The following ZNF713 variants were observed in gnomAD, a reference collection of about 807,000 sequenced individuals.
The protein encoded by ZNF713 is zinc finger protein 713.
ZNF713 carries 21 observed loss-of-function variants against 28.7 expected under a neutral mutation model. The ratio of observed to expected loss-of-function variants is 0.73; its 90% CI spans 0.52 to 1.05. The LOEUF is 1.05. Among genes scored for constraint, ZNF713 ranks in the 50% least tolerant of loss-of-function variants. ZNF713 has a pLI of 0.00. For synonymous variants in ZNF713, 167 were observed against 178.0 expected, an observed-to-expected ratio of 0.94 and a Z score of 0.49; for missense variants, 458 against 532.4, an observed-to-expected ratio of 0.86 and a Z score of 1.37.
chr7:55,931,436 A>C (rs1786207151), intron 6 of ZNF713, among the ~76,000 whole-genome samples: 1 of 152,138 alleles, frequency 6.6e-6, no homozygotes, highest in Non-Finnish European at 1.5e-5. Context: ...ACCCACTATA[A>C]ATTGACGCAT....
At chr7:55,889,766 A>G (rs1184275957) in intron 1 of ZNF713, among the ~76,000 whole-genome samples, 1 of 152,200 alleles carries the variant, frequency 6.6e-6, no homozygotes, top group Non-Finnish European at 1.5e-5. Flanking sequence ...GACTATATAA[A>G]TCTTATGAGT....
intron 2 of ZNF713, among the ~76,000 whole-genome samples, chr7:55,909,949 A>ATG (rs1408365141): frequency 1.3e-5 from 2 of 151,470 alleles, no homozygotes; most frequent in South Asian, 2.1e-4. Context: ...GTGTATATAT[A>ATG]TGTGTGTGTA....
intron 4 of ZNF713, among the ~76,000 whole-genome samples, chr7:55,914,971 C>G (rs1345601872): frequency 1.3e-5 from 2 of 152,196 alleles, no homozygotes; most frequent in African/African-American, 4.8e-5. Flanking sequence ...TCTCCTGCCT[C>G]AGCCTCCCAA....
At chr7:55,929,960 G>T (rs1398325148) in intron 6 of ZNF713, among the ~76,000 whole-genome samples, 1 of 152,020 alleles carries the variant, frequency 6.6e-6, no homozygotes, top group East Asian at 1.9e-4. Context: ...GATAACAATG[G>T]AGGAAAATAT....
chr7:55,903,675 AAAAC>A (rs1361514349), intron 1 of ZNF713, among the ~76,000 whole-genome samples: 1 of 151,290 alleles, frequency 6.6e-6, no homozygotes, highest in Non-Finnish European at 1.5e-5. Context: ...TTAAAAAAAA[AAAAC>A]AAAAAAAAAC....
chr7:55,928,208 G>C (rs1786139641), intron 6 of ZNF713, among the ~76,000 whole-genome samples: 1 of 152,158 alleles, frequency 6.6e-6, no homozygotes, highest in South Asian at 2.1e-4. Flanking sequence ...GAGGGCCCCC[G>C]TGAGACTCTG....
rs12718988 is a variant in ZNF713, at chr7:55,892,305, C to A, written c.-583+4625C>A. On this transcript the variant is annotated intron_variant, in intron 1 of 6. Coordinates refer to ENST00000429591, the MANE Select transcript of ZNF713 (RefSeq NM_182633.3). Reference sequence around the variant, plus strand: ...AAAAAAAAAAAAAAAAAAAAAAAAACCCCAGGAACAACGTGTGAGAGATTT... The same window carrying A: ...AAAAAAAAAAAAAAAAAAAAAAAAAACCCAGGAACAACGTGTGAGAGATTT... 1.9e-3 allele frequency among the ~76,000 whole-genome samples: 241 copies of A among 126,412 alleles called. 19 individuals carry two copies. The highest frequency in any genetic ancestry group is 6.0e-3 in the South Asian group (23 of 3,828). The allele number at this position is 126,412 out of a possible 152,430, so 82.9% of individuals were successfully genotyped here.
intron 6 of ZNF713, among the ~76,000 whole-genome samples, chr7:55,935,691 C>G (rs1289786567): frequency 6.6e-6 from 1 of 152,148 alleles, no homozygotes; most frequent in Admixed American, 6.5e-5. Context: ...CGGTGGCTCA[C>G]GCCTGTAATC....
chr7:55,931,548 ATTCTCTCCCTCCTTTCCCTCTCTTC>A (rs918344495), intron 6 of ZNF713, among the ~76,000 whole-genome samples: 5 of 150,078 alleles, frequency 3.3e-5, no homozygotes, highest in Admixed American at 3.3e-4. Flanking sequence ...TTTCTCCCTA[ATTCTCTCCCTCCTTTCCCTCTCTTC>A]TTCTCTCCCT....
intron 4 of ZNF713, among the ~76,000 whole-genome samples, chr7:55,913,963 T>C (rs1584307355): frequency 6.6e-6 from 1 of 151,850 alleles, no homozygotes; most frequent in Non-Finnish European, 1.5e-5. Flanking sequence ...ATACAAAAAT[T>C]AGCCAGGCGT....
intron 6 of ZNF713, among the ~76,000 whole-genome samples, chr7:55,931,568 CTCT>C (rs1252812237): frequency 4.0e-5 from 6 of 151,292 alleles, no homozygotes; most frequent in Non-Finnish European, 8.9e-5. Flanking sequence ...TCCTTTCCCT[CTCT>C]TCTTCTCTCC....
At position 55,923,606 on chromosome 7, in the gene ZNF713, G is replaced by C; in HGVS notation, c.215-1G>C. 6.3e-7 allele frequency: 1 copy of C among 1,595,538 alleles called. No individual in the cohort carries two copies. The highest frequency in any genetic ancestry group is 8.5e-7 in the Non-Finnish European group (1 of 1,169,914). ...AAGATGTATGTTACTCCTGTGAATA[G>C]GGTATCAGCTTTGTAAGCCAGAGGT... On this transcript the variant is annotated splice_acceptor_variant, in intron 5 of 6. Transcript: ENST00000429591. LOFTEE classifies it high-confidence loss of function.
chr7:55,918,063 C>G, intron 4 of ZNF713: 1 of 456,650 alleles, frequency 2.2e-6, no homozygotes, highest in South Asian at 1.5e-5. Flanking sequence ...TGTGTGCTCT[C>G]CATTGGATCT....
chr7:55,901,235 A>G (rs534252266), intron 1 of ZNF713, among the ~76,000 whole-genome samples: 8 of 152,278 alleles, frequency 5.3e-5, no homozygotes, highest in Non-Finnish European at 1.2e-4. Flanking sequence ...CACATCTTAC[A>G]TGGATGGCAG....
intron 2 of ZNF713, among the ~76,000 whole-genome samples, chr7:55,909,350 G>A (rs370435238): frequency 2.6e-5 from 4 of 152,226 alleles, no homozygotes; most frequent in South Asian, 4.1e-4. Flanking sequence ...TTGTAGGTAA[G>A]TGGCTTTACT....
In ZNF713 at chr7:55,899,689, A is replaced by G. The variant is rs1785538778; in HGVS notation, c.-582-6564A>G. Among the ~76,000 whole-genome samples, 4 of 151,976 alleles carry G rather than the reference A, an allele frequency of 2.6e-5. No individual in the cohort carries two copies. The South Asian group carries it at 8.3e-4, about 32-fold the overall frequency. ...TCCATCTCAAAAAAATAAAAAATAA[A>G]AAAATCGAACTACCATATGATCCAG... is the stretch of plus-strand genomic sequence containing the variant. On this transcript the variant is annotated intron_variant, in intron 1 of 6. Transcript: ENST00000429591.
intron 4 of ZNF713, among the ~76,000 whole-genome samples, chr7:55,922,438 T>C (rs1272340418): frequency 6.6e-6 from 1 of 151,030 alleles, no homozygotes; most frequent in Non-Finnish European, 1.5e-5. Flanking sequence ...CTCAGGAGGC[T>C]GAGGCAGGAC....
chr7:55,906,321 A>G lies in ZNF713; in HGVS notation c.-514A>G, dbSNP rs1435011231. The G allele has an allele frequency of 6.6e-6, 1 of 152,176 alleles. No homozygotes were observed. The highest frequency in any genetic ancestry group is 1.5e-5 in the Non-Finnish European group (1 of 68,056). 9.4% of individuals were successfully genotyped at this position (152,176 alleles called of 1,614,324 possible). A position where few individuals can be genotyped will look rare whatever the true frequency, so the allele number is the denominator to read the frequency against. ...CTCACCACTGGTGTTGCTCTTTGAAAGTGGCGCTTGGCACCAGCATGAACT... is the reference window on the plus strand; with the variant it reads ...CTCACCACTGGTGTTGCTCTTTGAAGGTGGCGCTTGGCACCAGCATGAACT... On this transcript the variant is annotated 5_prime_UTR_variant, in exon 2 of 7. Coordinates refer to ENST00000429591, the MANE Select transcript of ZNF713 (RefSeq NM_182633.3).
rs762776243 is a variant in ZNF713 at position 55,941,301 on chromosome 7, C to T, written c.*1295C>T. ...TAAAACCCCATCTCTACTAAAAATA[C>T]AAAAATTAGCTGGGTATGGTGGTGC... On this transcript the variant is annotated 3_prime_UTR_variant, in exon 7 of 7. Transcript: ENST00000429591. The T allele has an allele frequency of 6.6e-6, 1 of 151,208 alleles. No homozygotes were observed. Among genetic ancestry groups the T allele is most frequent in the Non-Finnish European group, 1.5e-5 (1 of 67,816 alleles). The allele number at this position is 151,208 out of a possible 1,614,324, so 9.4% of individuals were successfully genotyped here.
Sources: allele counts gnomAD v4.1 joint callset (sites outside exome capture counted in the v4.1 genomes callset), GRCh38; gene constraint gnomAD v4.1.1; transcripts MANE v1.5; gene names NCBI Gene and HGNC (gene_info 2026-07-23, HGNC 2026-07-21).